Variants in DYM observed in about 807,000 individuals in gnomAD.
DYM encodes dymeclin.
DYM carries 78 observed loss-of-function variants against 93.1 expected under a neutral mutation model. The ratio of observed to expected loss-of-function variants is 0.84; its 90% confidence interval spans 0.70 to 1.01. DYM has a LOEUF of 1.01. Among genes scored for constraint, DYM ranks in the 50% least tolerant of loss-of-function variants. DYM has a pLI of 0.00. For synonymous variants in DYM, 321 were observed against 319.7 expected (o/e 1.00, Z -0.04); for missense variants, 789 against 845.0 (o/e 0.93, Z 0.82).
intron 8 of DYM, among the ~76,000 whole-genome samples, chr18:49,302,063 A>T (rs1169366357): frequency 6.6e-6 from 1 of 152,378 alleles, no homozygotes; most frequent in East Asian, 1.9e-4. Flanking sequence ...ACTTGCGTGC[A>T]AAGAAATTCC....
At chr18:49,163,928 G>A (rs1214651449) in intron 14 of DYM, 141 bp from the exon 15 acceptor site, 1 of 640,282 alleles carries the variant, frequency 1.6e-6, no homozygotes, top group South Asian at 1.8e-5. Context: ...TGTGTTAACA[G>A]CAAGATTAAT....
chr18:49,293,734 G>A (rs1013545243), intron 8 of DYM, among the ~76,000 whole-genome samples: 6 of 152,126 alleles, frequency 3.9e-5, no homozygotes, highest in African/African-American at 1.2e-4. Context: ...TCAGTGGATA[G>A]ATTGCAAAAA....
intron 15 of DYM, among the ~76,000 whole-genome samples, chr18:49,157,855 T>A (rs966312809): frequency 5.3e-5 from 8 of 152,244 alleles, no homozygotes; most frequent in Admixed American, 4.6e-4. Flanking sequence ...CATGAAGGTT[T>A]AATCATATTT....
intron 8 of DYM, among the ~76,000 whole-genome samples, chr18:49,298,868 C>T (rs910148845): frequency 2.6e-5 from 4 of 152,072 alleles, no homozygotes; most frequent in Non-Finnish European, 4.4e-5. Flanking sequence ...ACTTAGATGA[C>T]GCAGGTAGTA....
chr18:49,150,717 C>CCTATTAAAGGACTATTAAAGG (rs2085721186), intron 15 of DYM, among the ~76,000 whole-genome samples: 1 of 152,194 alleles, frequency 6.6e-6, no homozygotes, highest in Non-Finnish European at 1.5e-5. Flanking sequence ...GATTAGCTAG[C>CCTATTAAAGGACTATTAAAGG]ACTGCCTATT....
chr18:49,107,438 G>A (rs1001619373), intron 16 of DYM, among the ~76,000 whole-genome samples: 8 of 152,284 alleles, frequency 5.3e-5, no homozygotes, highest in East Asian at 1.9e-4. Flanking sequence ...GCTTTGTTCC[G>A]TTGCTGGTGA....
intron 6 of DYM, among the ~76,000 whole-genome samples, chr18:49,352,983 T>A (rs919920620): frequency 6.6e-6 from 1 of 152,154 alleles, no homozygotes; most frequent in Non-Finnish European, 1.5e-5. Flanking sequence ...TACTCTGTCA[T>A]CCTGACAGAT....
At chr18:49,175,214 G>A (rs941460831) in intron 14 of DYM, among the ~76,000 whole-genome samples, 2 of 152,114 alleles carry the variant, frequency 1.3e-5, no homozygotes, top group Non-Finnish European at 2.9e-5. Flanking sequence ...ACAGTGTTCT[G>A]CGCACAACAT....
chr18:49,312,114 G>C (rs1198044239), intron 8 of DYM, among the ~76,000 whole-genome samples: 1 of 152,186 alleles, frequency 6.6e-6, no homozygotes, highest in Non-Finnish European at 1.5e-5. Context: ...CACTGTGTGT[G>C]ACTGTATAAC....
intron 14 of DYM, among the ~76,000 whole-genome samples, chr18:49,190,343 G>C (rs1029989665): frequency 5.9e-5 from 9 of 152,144 alleles, no homozygotes; most frequent in Admixed American, 5.9e-4. Flanking sequence ...CATTGTATAT[G>C]GTTACATTGC....
intron 17 of DYM, among the ~76,000 whole-genome samples, chr18:49,046,062 C>T (rs1022993297): frequency 6.6e-6 from 1 of 151,718 alleles, no homozygotes; most frequent in Non-Finnish European, 1.5e-5. Context: ...AGGGGAGGAG[C>T]AGGTAGAGGA....
chr18:49,361,140 G>T (rs1274846947), intron 6 of DYM, among the ~76,000 whole-genome samples: 2 of 152,206 alleles, frequency 1.3e-5, no homozygotes, highest in African/African-American at 4.8e-5. Flanking sequence ...TGTTAGAATG[G>T]AAGGGGAGAA....
At chr18:49,106,059 C>T (rs1206734225) in intron 16 of DYM, among the ~76,000 whole-genome samples, 1 of 152,144 alleles carries the variant, frequency 6.6e-6, no homozygotes, top group African/African-American at 2.4e-5. Flanking sequence ...CTTTGTAGGT[C>T]TCTAAGGACT....
chr18:49,086,237 C>A (rs1198326426), intron 17 of DYM, among the ~76,000 whole-genome samples: 1 of 152,206 alleles, frequency 6.6e-6, no homozygotes, highest in African/African-American at 2.4e-5. Context: ...TGGGCTGCAT[C>A]TGGTGAGGGT....
intron 10 of DYM, among the ~76,000 whole-genome samples, chr18:49,274,964 C>T (rs962439304): frequency 6.6e-6 from 1 of 152,086 alleles, no homozygotes; most frequent in African/African-American, 2.4e-5. Flanking sequence ...CTTTGAAGCA[C>T]AAACGTTTTT....
intron 2 of DYM, among the ~76,000 whole-genome samples, chr18:49,414,675 G>A (rs1336923711): frequency 6.6e-6 from 1 of 152,116 alleles, no homozygotes; most frequent in African/African-American, 2.4e-5. Context: ...AAACATGCAT[G>A]GCTCACTCCC....
chr18:49,183,008 A>G (rs911499067), intron 14 of DYM, among the ~76,000 whole-genome samples: 13 of 152,240 alleles, frequency 8.5e-5, no homozygotes, highest in African/African-American at 2.4e-4. Context: ...TATTTTACGT[A>G]GAAACTTAAG....
chr18:49,156,284 T>A (rs574135018), intron 15 of DYM, among the ~76,000 whole-genome samples: 1 of 152,194 alleles, frequency 6.6e-6, no homozygotes, highest in Non-Finnish European at 1.5e-5. Context: ...AGATGCTCAG[T>A]TGGCCTTCCG....
intron 3 of DYM, among the ~76,000 whole-genome samples, chr18:49,386,912 G>A (rs1490377502): frequency 6.6e-6 from 1 of 150,634 alleles, no homozygotes; most frequent in East Asian, 1.9e-4. Flanking sequence ...TCACGTTTTG[G>A]TAGTTCTTGC....
Sources: gnomAD v4.1 joint callset for allele counts (sites outside exome capture counted in the v4.1 genomes callset) on GRCh38, gnomAD v4.1.1 for gene constraint, MANE v1.5 for transcripts, NCBI Gene and HGNC (gene_info 2026-07-23, HGNC 2026-07-21) for gene names.